SERPINB8: variants seen among roughly 807,000 people sequenced by gnomAD.
The protein encoded by SERPINB8 is serpin family B member 8.
SERPINB8 carries 25 observed loss-of-function variants against 35.3 expected under a neutral mutation model. The observed-to-expected ratio is 0.71, with a 90% CI of 0.52 to 0.99. The LOEUF (loss-of-function observed/expected upper bound fraction) is 0.99, where lower values mean the gene tolerates loss of function less well. Ranked by LOEUF, SERPINB8 falls within the 50% of genes least tolerant of loss-of-function variation. The pLI, the probability that SERPINB8 is intolerant of heterozygous loss-of-function variation, is 0.00. For missense variants in SERPINB8, 484 were observed against 446.5 expected, an observed-to-expected ratio of 1.08 and a Z score of -0.76; for synonymous variants, 186 against 160.8, an observed-to-expected ratio of 1.16 and a Z score of -1.19.
intron 1 of SERPINB8, among the ~76,000 whole-genome samples, chr18:63,997,111 G>C (rs1177066058): frequency 6.6e-6 from 1 of 152,170 alleles, no homozygotes; most frequent in Non-Finnish European, 1.5e-5. Flanking sequence ...ACACTTGTTG[G>C]GTTTTTCAAC....
intron 7 of SERPINB8, among the ~76,000 whole-genome samples, chr18:64,012,097 T>C (rs2050928417): frequency 6.6e-6 from 1 of 152,088 alleles, no homozygotes; most frequent in Admixed American, 6.6e-5. Context: ...AGACTGAATA[T>C]GTTTTGAAAT....
intron 7 of SERPINB8, among the ~76,000 whole-genome samples, chr18:64,017,176 G>C (rs187207409): frequency 6.6e-6 from 1 of 151,936 alleles, no homozygotes; most frequent in Admixed American, 6.6e-5. Flanking sequence ...TCCATTTTTC[G>C]GTGACGTGAG....
At chr18:63,996,156 G>T (rs1236096833) in intron 1 of SERPINB8, among the ~76,000 whole-genome samples, 1 of 152,118 alleles carries the variant, frequency 6.6e-6, no homozygotes, top group African/African-American at 2.4e-5. Context: ...GACTATGAGG[G>T]TTAATTTATA....
intron 4 of SERPINB8, among the ~76,000 whole-genome samples, chr18:63,982,254 C>T (rs2050683983): frequency 6.6e-6 from 1 of 152,100 alleles, no homozygotes; most frequent in Non-Finnish European, 1.5e-5. Context: ...TGATCTGCAG[C>T]CTTCTCCTTC....
At chr18:63,993,410 A>G (rs1480159632), downstream of SERPINB8, among the ~76,000 whole-genome samples, 1 of 152,202 alleles carries the variant, frequency 6.6e-6, no homozygotes, top group Non-Finnish European at 1.5e-5. Context: ...CCATAGTCAG[A>G]TAACATGTTT....
chr18:63,992,061 T>C (rs532478358), downstream of SERPINB8, among the ~76,000 whole-genome samples: 17 of 152,362 alleles, frequency 1.1e-4, no homozygotes, highest in East Asian at 3.3e-3. Flanking sequence ...GAATTGCTCA[T>C]CTCCATTCAT....
At chr18:64,002,268 G>A (rs2050879213) in intron 1 of SERPINB8, among the ~76,000 whole-genome samples, 1 of 152,294 alleles carries the variant, frequency 6.6e-6, no homozygotes, top group Middle Eastern at 3.4e-3. Context: ...GAGTTAGGAC[G>A]CCTGGCTCTG....
At chr18:63,980,630 G>T (rs554558288) in intron 3 of SERPINB8, among the ~76,000 whole-genome samples, 1 of 152,302 alleles carries the variant, frequency 6.6e-6, no homozygotes, top group East Asian at 1.9e-4. Context: ...GAATTTGCCT[G>T]CTCTGGGTTT....
chr18:63,999,183 C>A (rs2050863184), intron 1 of SERPINB8, among the ~76,000 whole-genome samples: 1 of 152,176 alleles, frequency 6.6e-6, no homozygotes. Context: ...TTACAAAATT[C>A]ATTCGTAGGC....
chr18:63,977,740 T>C (rs2144797051), intron 1 of SERPINB8, among the ~76,000 whole-genome samples: 1 of 152,338 alleles, frequency 6.6e-6, no homozygotes, highest in South Asian at 2.1e-4. Context: ...TGAGATTGGC[T>C]ATTTTATGAA....
At chr18:63,996,317 CTCTG>C (rs985529158) in intron 1 of SERPINB8, among the ~76,000 whole-genome samples, 3 of 152,194 alleles carry the variant, frequency 2.0e-5, no homozygotes, top group East Asian at 1.9e-4. Context: ...CCTGGTGATC[CTCTG>C]TCTATTACAG....
intron 7 of SERPINB8, among the ~76,000 whole-genome samples, chr18:64,017,175 C>T (rs1021478716): frequency 3.9e-5 from 6 of 152,162 alleles, no homozygotes; most frequent in East Asian, 1.9e-4. Context: ...CTCCATTTTT[C>T]GGTGACGTGA....
At chr18:63,993,125 T>C (rs1188450359), downstream of SERPINB8, among the ~76,000 whole-genome samples, 1 of 151,764 alleles carries the variant, frequency 6.6e-6, no homozygotes, top group African/African-American at 2.4e-5. Flanking sequence ...TTTTGGGTAT[T>C]TTTTTAGTTT....
downstream of SERPINB8, among the ~76,000 whole-genome samples, chr18:63,991,454 T>C (rs1459124027): frequency 6.6e-6 from 1 of 152,238 alleles, no homozygotes; most frequent in Non-Finnish European, 1.5e-5. Flanking sequence ...TATCCTTAAG[T>C]ATATTCTATT....
chr18:64,016,868 G>T (rs2050952830), intron 7 of SERPINB8, among the ~76,000 whole-genome samples: 1 of 152,120 alleles, frequency 6.6e-6, no homozygotes, highest in Non-Finnish European at 1.5e-5. Flanking sequence ...CCTAAGATTT[G>T]CATTATTAGA....
At chr18:64,005,907 G>A (rs747609618), downstream of SERPINB8, among the ~76,000 whole-genome samples, 1 of 152,082 alleles carries the variant, frequency 6.6e-6, no homozygotes, top group Non-Finnish European at 1.5e-5. Context: ...CATGGCAGGA[G>A]GTAATTTTAC....
At chr18:63,980,223 A>G (rs1203306658) in intron 3 of SERPINB8, among the ~76,000 whole-genome samples, 2 of 152,138 alleles carry the variant, frequency 1.3e-5, no homozygotes, top group Non-Finnish European at 2.9e-5. Context: ...AACACGCTGT[A>G]CAGAGCTCCT....
Position 63,988,180 on chromosome 18 carries a change from A to G in SERPINB8, c.*902A>G, listed in dbSNP as rs533532526. Reference sequence around the variant, plus strand: ...ACAGCAATCACTGCTGTTAATAGTGATATACATCCTTCCCTATTATGTGTA... The same window carrying G: ...ACAGCAATCACTGCTGTTAATAGTGGTATACATCCTTCCCTATTATGTGTA... On this transcript the variant is annotated 3_prime_UTR_variant, in exon 7 of 7. Coordinates refer to ENST00000397985, the MANE Select transcript of SERPINB8 (RefSeq NM_002640.4). 1 of 152,252 alleles carries G rather than the reference A, an allele frequency of 6.6e-6. No homozygotes were observed. Among genetic ancestry groups the G allele is most frequent in the African/African-American group, 2.4e-5 (1 of 41,464 alleles). The allele number at this position is 152,252 out of a possible 1,614,324, so 9.4% of individuals were successfully genotyped here. A position where few individuals can be genotyped will look rare whatever the true frequency, so the allele number is the denominator to read the frequency against.
rs2050707752 is a variant in SERPINB8 at position 63,983,681 on chromosome 18, A to G, written c.527A>G (p.Asp176Gly). ...YFKGKWNEQF[D>G]RKYTRGMLFK... is the part of the protein sequence containing the mutation. ...AAGGGAAAGTGGAATGAGCAATTTG[A>G]CAGAAAGTACACAAGGGGAATGCTC... The change falls in exon 5 of 7, where the codon GAC (aspartate) becomes GGC (glycine). Residue 176 changes from aspartate (D) to glycine (G), a missense_variant. Transcript: ENST00000397985. The G allele has an allele frequency of 6.2e-7, 1 of 1,614,056 alleles. No individual in the cohort carries two copies. The highest frequency in any genetic ancestry group is 8.5e-7 in the Non-Finnish European group (1 of 1,179,910).
Sources: allele counts gnomAD v4.1 joint callset (sites outside exome capture counted in the v4.1 genomes callset), GRCh38; gene constraint gnomAD v4.1.1; transcripts MANE v1.5; gene names NCBI Gene and HGNC (gene_info 2026-07-23, HGNC 2026-07-21).